The following SIPA1L2 variants were observed in gnomAD, a reference collection of about 807,000 sequenced individuals.
The protein encoded by SIPA1L2 is signal induced proliferation associated 1 like 2.
In SIPA1L2, 56 loss-of-function variants were observed where a neutral mutation model predicts 163.9. The observed-to-expected ratio is 0.34, with a 90% confidence interval of 0.28 to 0.43. The LOEUF (loss-of-function observed/expected upper bound fraction) is 0.43. Among genes scored for constraint, SIPA1L2 ranks in the 20% least tolerant of loss-of-function variants. The probability of loss-of-function intolerance (pLI) is 1.00; values close to 1 mark genes in which losing one functional copy is unlikely to be tolerated. For missense variants in SIPA1L2, 1,974 were observed against 2,193.5 expected (o/e 0.90, Z 2.00); for synonymous variants, 877 against 865.7 (o/e 1.01, Z -0.23).
chr1:232,493,649 A>G lies in SIPA1L2; in HGVS notation c.1495T>C (p.Tyr499His). 1 of 1,614,050 alleles carries G rather than the reference A, an allele frequency of 6.2e-7. No homozygotes were observed. The highest frequency in any genetic ancestry group is 8.5e-7 in the Non-Finnish European group (1 of 1,179,970). Residue 499 changes from tyrosine (Y) to histidine (H), a missense_variant, in exon 4 of 23, where the codon TAC becomes CAC. This residue lies in a region of SIPA1L2 where 607 missense variants were observed against 624.0 expected (regional missense o/e 0.97). Coordinates refer to ENST00000674635, the MANE Select transcript of SIPA1L2 (RefSeq NM_020808.5). Reference protein sequence around the residue: ...KFFYGKEHQNYFGIDENLGPV... With the variant: ...KFFYGKEHQNHFGIDENLGPV... ...CCAAGGTTTTCATCTATTCCAAAGT[A>G]GTTTTGGTGCTCTATAATGGAAGAG...
At chr1:232,420,814 G>A (rs948494754) in intron 18 of SIPA1L2, among the ~76,000 whole-genome samples, 3 of 152,006 alleles carry the variant, frequency 2.0e-5, no homozygotes, top group Non-Finnish European at 4.4e-5. Context: ...CGGCCTGAGC[G>A]AAAGAGTGAG....
At chr1:232,520,732 A>G (rs891641454) in intron 2 of SIPA1L2, among the ~76,000 whole-genome samples, 12 of 152,190 alleles carry the variant, frequency 7.9e-5, no homozygotes, top group African/African-American at 2.9e-4. Flanking sequence ...TAATACTAAT[A>G]TGGATAATAG....
At chr1:232,438,948 T>C (rs1056845237) in intron 15 of SIPA1L2, among the ~76,000 whole-genome samples, 160 bp downstream of exon 15, 3 of 151,894 alleles carry the variant, frequency 2.0e-5, no homozygotes, top group African/African-American at 2.4e-5. Context: ...CATTTTCATA[T>C]TGTAGAAACA....
At chr1:232,434,507 T>A (rs920062884) in intron 15 of SIPA1L2, among the ~76,000 whole-genome samples, 1 of 151,978 alleles carries the variant, frequency 6.6e-6, no homozygotes, top group Non-Finnish European at 1.5e-5. Context: ...GCCTCTACAA[T>A]GACATCCACA....
intron 2 of SIPA1L2, among the ~76,000 whole-genome samples, chr1:232,548,239 A>C (rs947210310): frequency 5.3e-5 from 8 of 152,212 alleles, no homozygotes; most frequent in African/African-American, 1.9e-4. Flanking sequence ...TCTATAAAGC[A>C]CAGATTCGAG....
intron 1 of SIPA1L2, among the ~76,000 whole-genome samples, chr1:232,626,734 G>A (rs1339568465): frequency 1.3e-5 from 2 of 152,118 alleles, no homozygotes; most frequent in African/African-American, 2.4e-5. Context: ...ATAGGCCAAG[G>A]CAAAGAAATG....
chr1:232,562,229 C>T (rs1659078646), intron 2 of SIPA1L2, among the ~76,000 whole-genome samples: 2 of 152,258 alleles, frequency 1.3e-5, no homozygotes, highest in Admixed American at 6.5e-5. Flanking sequence ...ATTTTGAATG[C>T]CAAGGAGGCA....
chr1:232,479,518 G>T, intron 7 of SIPA1L2, 109 bp downstream of exon 7: 1 of 873,846 alleles, frequency 1.1e-6, no homozygotes, highest in East Asian at 2.5e-5. Context: ...TGCTATTCAA[G>T]AAAAACCCTC....
At chr1:232,553,808 A>G (rs1658543188) in intron 2 of SIPA1L2, among the ~76,000 whole-genome samples, 1 of 152,254 alleles carries the variant, frequency 6.6e-6, no homozygotes. Context: ...ACAAATTCCA[A>G]GAGTACAAAC....
intron 2 of SIPA1L2, among the ~76,000 whole-genome samples, chr1:232,562,505 T>G (rs776116945): frequency 3.3e-5 from 5 of 152,214 alleles, no homozygotes; most frequent in African/African-American, 1.2e-4. Context: ...AAAAGAATCA[T>G]AAATAATACC....
intron 18 of SIPA1L2, among the ~76,000 whole-genome samples, chr1:232,416,083 C>T (rs113816325): frequency 1.0e-5 from 1 of 97,266 alleles, no homozygotes; most frequent in African/African-American, 3.5e-5. Context: ...AGTCAGAACA[C>T]GGGCACCACT....
chr1:232,567,494 T>C (rs960546929), intron 2 of SIPA1L2, among the ~76,000 whole-genome samples: 12 of 152,102 alleles, frequency 7.9e-5, no homozygotes, highest in African/African-American at 2.7e-4. Flanking sequence ...GAACAGAAAT[T>C]GGAAAAATGG....
At chr1:232,420,757 C>T (rs1401438638) in intron 18 of SIPA1L2, among the ~76,000 whole-genome samples, 1 of 152,150 alleles carries the variant, frequency 6.6e-6, no homozygotes, top group Non-Finnish European at 1.5e-5. Flanking sequence ...ATGGCGTGAA[C>T]CTGGGAGGCA....
At chr1:232,491,105 A>T (rs1665907609) in intron 4 of SIPA1L2, 43 bp from the exon 5 acceptor site, 2 of 1,541,330 alleles carry the variant, frequency 1.3e-6, no homozygotes, top group East Asian at 4.6e-5. Flanking sequence ...ATTGATTCTC[A>T]ATTACCTACT....
chr1:232,563,457 T>C (rs1199615594), intron 2 of SIPA1L2, among the ~76,000 whole-genome samples: 2 of 152,164 alleles, frequency 1.3e-5, no homozygotes, highest in Non-Finnish European at 2.9e-5. Context: ...TTCTATAGTA[T>C]ACACTGCCAC....
intron 1 of SIPA1L2, among the ~76,000 whole-genome samples, chr1:232,604,098 CAG>C (rs1661759509): frequency 6.6e-6 from 1 of 152,076 alleles, no homozygotes; most frequent in South Asian, 2.1e-4. Context: ...AACGCATCCA[CAG>C]ACTCTTGCTT....
intron 3 of SIPA1L2, 68 bp from the exon 4 acceptor site, chr1:232,493,728 T>A: frequency 6.4e-7 from 1 of 1,571,654 alleles, no homozygotes; most frequent in South Asian, 1.1e-5. Flanking sequence ...TGGATATCTC[T>A]CAGTTTGTGT....
chr1:232,434,480 C>T lies in SIPA1L2; in HGVS notation c.4032-2009G>A, dbSNP rs376974101. ...CTCTCTGGGTGCTAACTGTGGGTCT[C>T]GGGAAGACGCTGCACTGCCTCTACA... is the stretch of plus-strand genomic sequence containing the variant. On this transcript the variant is annotated intron_variant, in intron 15 of 22. Coordinates refer to ENST00000674635, the MANE Select transcript of SIPA1L2 (RefSeq NM_020808.5). Among the ~76,000 whole-genome samples the T allele has an allele frequency of 1.8e-3, 275 of 152,130 alleles. 2 individuals carry two copies. The highest frequency in any genetic ancestry group is 6.0e-3 in the African/African-American group (251 of 41,498).
chr1:232,573,077 G>A (rs374414549), intron 2 of SIPA1L2, among the ~76,000 whole-genome samples: 6 of 151,934 alleles, frequency 3.9e-5, no homozygotes, highest in African/African-American at 1.2e-4. Context: ...CACTGTGCCC[G>A]GCCCCCCAAA....
Sources: gnomAD v4.1 joint callset for allele counts (sites outside exome capture counted in the v4.1 genomes callset) on GRCh38, gnomAD v4.1.1 for gene constraint, gnomAD v4.1.1 regional missense constraint, MANE v1.5 for transcripts, NCBI Gene and HGNC (gene_info 2026-07-23, HGNC 2026-07-21) for gene names.